OR4P4: variants seen among roughly 807,000 people sequenced by gnomAD.
The protein encoded by OR4P4 is olfactory receptor family 4 subfamily P member 4, also known as olfactory receptor 4P4.
Under a neutral mutation model 2.1 loss-of-function variants are expected in OR4P4, and 1 was observed. The ratio of observed to expected loss-of-function variants is 0.47; its 90% confidence interval spans 0.17 to 2.21. The LOEUF (loss-of-function observed/expected upper bound fraction) is 2.21, where lower values mean the gene tolerates loss of function less well. Among genes scored for constraint, OR4P4 ranks in the 30% most tolerant of loss-of-function variants. OR4P4 has a pLI of 0.27. For missense variants in OR4P4, 375 were observed against 376.5 expected (o/e 1.00, Z 0.03); for synonymous variants, 129 against 133.2 (o/e 0.97, Z 0.22).
intron 1 of OR4P4, among the ~76,000 whole-genome samples, chr11:55,636,677 G>A (rs1468193567): frequency 7.3e-6 from 1 of 137,412 alleles, no homozygotes; most frequent in Non-Finnish European, 1.6e-5. Context: ...ATTTCCTAAA[G>A]CTCTAGAATC....
At chr11:55,637,149 A>AATT (rs1858398485) in intron 1 of OR4P4, among the ~76,000 whole-genome samples, 1 of 138,214 alleles carries the variant, frequency 7.2e-6, no homozygotes, top group Non-Finnish European at 1.6e-5. Context: ...GTTGTTAGTA[A>AATT]ACTTACAGTA....
Position 55,635,479 on chromosome 11 carries a change from G to A in OR4P4, c.-31+263G>A, listed in dbSNP as rs538855746. ...CATCATTTATTTGATTTGGTGATAT[G>A]ACAGGTAATAGTTACTAACATGGTA... On this transcript the variant is annotated intron_variant, in intron 1 of 1. Transcript: ENST00000641760. 2.0e-4 allele frequency among the ~76,000 whole-genome samples: 28 copies of A among 136,906 alleles called. 2 individuals carry two copies. Among genetic ancestry groups the A allele is most frequent in the African/African-American group, 6.8e-4 (27 of 39,770 alleles). 89.8% of individuals were successfully genotyped at this position (136,906 alleles called of 152,430 possible).
At chr11:55,636,126 A>T (rs1858385527) in intron 1 of OR4P4, among the ~76,000 whole-genome samples, 1 of 137,740 alleles carries the variant, frequency 7.3e-6, no homozygotes, top group Non-Finnish European at 1.6e-5. Flanking sequence ...GAAAGGAAAC[A>T]TATGCGCCAA....
intron 1 of OR4P4, among the ~76,000 whole-genome samples, chr11:55,636,130 G>A (rs1248738008): frequency 7.3e-6 from 1 of 137,532 alleles, no homozygotes; most frequent in Non-Finnish European, 1.6e-5. Context: ...GGAAACATAT[G>A]CGCCAAGAAT....
exon 2 of OR4P4, chr11:55,640,068 A>C (rs909345661): frequency 2.2e-5 from 3 of 135,156 alleles, no homozygotes; most frequent in African/African-American, 7.7e-5. Context: ...CGGGAAGCGG[A>C]GGTTGCAGTG....
rs779167503 is a variant in OR4P4 at position 55,635,193 on chromosome 11, G to A, written c.-54G>A. Reference sequence around the variant, plus strand: ...GATTCAAGTTACATGCTCTGGTAACGTGGGTCTAAGAGGATGCTAATTGGT... The same window carrying A: ...GATTCAAGTTACATGCTCTGGTAACATGGGTCTAAGAGGATGCTAATTGGT... On this transcript the variant is annotated 5_prime_UTR_variant, in exon 1 of 2. In the 5' UTR this introduces an upstream ATG that the reference lacks. Transcript: ENST00000641760. The A allele has an allele frequency of 5.1e-5, 7 of 138,064 alleles. 1 individual carries two copies. Among genetic ancestry groups the A allele is most frequent in the Non-Finnish European group, 1.1e-4 (7 of 61,664 alleles). 8.6% of individuals were successfully genotyped at this position (138,064 alleles called of 1,614,324 possible). A position where few individuals can be genotyped will look rare whatever the true frequency, so the allele number is the denominator to read the frequency against.
At position 55,637,559 on chromosome 11, in the gene OR4P4, C is replaced by A. The variant is rs999264948; in HGVS notation, c.-30-769C>A. 1.5e-5 allele frequency among the ~76,000 whole-genome samples: 2 copies of A among 137,040 alleles called. 1 individual carries two copies. The highest frequency in any genetic ancestry group is 5.0e-5 in the African/African-American group (2 of 39,606). The allele number at this position is 137,040 out of a possible 152,430, so 89.9% of individuals were successfully genotyped here. ...CAATTTCTATTACAATGAAATTATT[C>A]ATTGTATTGGTAACAATGTTAACTT... On this transcript the variant is annotated intron_variant, in intron 1 of 1. Transcript: ENST00000641760.
chr11:55,638,706 G>A, exon 2 of OR4P4: 1 of 1,490,932 alleles, frequency 6.7e-7, no homozygotes, highest in Non-Finnish European at 9.1e-7. Context: ...CACAGGGATG[G>A]CCTATGACCG....
In OR4P4 at chr11:55,639,483, G is replaced by A. The variant is rs1036631623; in HGVS notation, c.*187G>A. 3.4e-5 allele frequency: 15 copies of A among 445,328 alleles called. 4 individuals are homozygous for A. In the Admixed American group the frequency reaches 4.1e-4, roughly 12 times the overall value. The allele number at this position is 445,328 out of a possible 1,614,324, so 27.6% of individuals were successfully genotyped here. A position where few individuals can be genotyped will look rare whatever the true frequency, so the allele number is the denominator to read the frequency against. On this transcript the variant is annotated 3_prime_UTR_variant, in exon 2 of 2. Coordinates refer to ENST00000641760, the Ensembl canonical transcript of OR4P4. ...ATTATTCTTATCCATACTCTCCTCC[G>A]CCTTTCTTAATCATTACGATTGTGC...
Position 55,638,319 on chromosome 11 carries a change from T to A in OR4P4, c.-30-9T>A, listed in dbSNP as rs1858412002. On this transcript the variant is annotated splice_polypyrimidine_tract_variant and intron_variant, in intron 1 of 1. Coordinates refer to ENST00000641760, the Ensembl canonical transcript of OR4P4. ...AAGACTTGTAAGCTTATAAATTATGTCATTTCAGGTGACTTATATGTTCTA... is the reference window on the plus strand; with the variant it reads ...AAGACTTGTAAGCTTATAAATTATGACATTTCAGGTGACTTATATGTTCTA... 1.4e-5 allele frequency: 13 copies of A among 897,174 alleles called. No homozygotes were observed. Among genetic ancestry groups the A allele is most frequent in the Non-Finnish European group, 2.0e-5 (12 of 611,478 alleles). 55.6% of individuals were successfully genotyped at this position (897,174 alleles called of 1,614,324 possible). A position where few individuals can be genotyped will look rare whatever the true frequency, so the allele number is the denominator to read the frequency against.
Position 55,636,745 on chromosome 11 carries a change from A to G in OR4P4, c.-31+1529A>G, listed in dbSNP as rs114132702. On this transcript the variant is annotated intron_variant, in intron 1 of 1. Transcript: ENST00000641760. ...ATATTGATATTAGCACAACGATATC[A>G]TCCCTTGTACACTATTTTATTCTTT... 2.0e-3 allele frequency among the ~76,000 whole-genome samples: 274 copies of G among 138,108 alleles called. 38 individuals are homozygous for G. The highest frequency in any genetic ancestry group is 6.5e-3 in the African/African-American group (260 of 39,956). The allele number at this position is 138,108 out of a possible 152,430, so 90.6% of individuals were successfully genotyped here.
At chr11:55,638,530 A>G in exon 2 of OR4P4, 1 of 1,486,052 alleles carries the variant, frequency 6.7e-7, no homozygotes, top group African/African-American at 1.4e-5. Context: ...CAACCCATGT[A>G]TTTCTTCCTC....
chr11:55,636,969 T>C (rs547237804), intron 1 of OR4P4, among the ~76,000 whole-genome samples: 2 of 137,760 alleles, frequency 1.5e-5, no homozygotes, highest in African/African-American at 5.0e-5. Context: ...TAAAGCATGA[T>C]TAGATTTTTA....
In OR4P4 at chr11:55,638,328, G is replaced by T; in HGVS notation, c.-30G>T. The T allele has an allele frequency of 2.1e-6, 2 of 946,522 alleles. 1 individual carries two copies. Among genetic ancestry groups the T allele is most frequent in the Non-Finnish European group, 3.0e-6 (2 of 657,888 alleles). 58.6% of individuals were successfully genotyped at this position (946,522 alleles called of 1,614,324 possible). A position where few individuals can be genotyped will look rare whatever the true frequency, so the allele number is the denominator to read the frequency against. The stretch of plus-strand genomic sequence containing the variant: ...AAGCTTATAAATTATGTCATTTCAG[G>T]TGACTTATATGTTCTATCTACACTG... On this transcript the variant is annotated splice_region_variant and 5_prime_UTR_variant, in exon 2 of 2. Coordinates refer to ENST00000641760, the Ensembl canonical transcript of OR4P4.
At position 55,638,887 on chromosome 11, in the gene OR4P4, G is replaced by A; in HGVS notation, c.530G>A (p.Cys177Tyr). The stretch of plus-strand genomic sequence containing the variant: ...CCAAATGAGATAGATCACTACTTCT[G>A]TGATGTGTATCCTTTGCTGAAATTG... The change falls in exon 2 of 2, where the codon TGT (cysteine) becomes TAT (tyrosine). Residue 177 changes from cysteine to tyrosine, a missense_variant. Transcript: ENST00000641760. 3 of 1,493,782 alleles carry A rather than the reference G, an allele frequency of 2.0e-6. 1 individual carries two copies. Among genetic ancestry groups the A allele is most frequent in the East Asian group, 5.2e-5 (2 of 38,820 alleles). 92.5% of individuals were successfully genotyped at this position (1,493,782 alleles called of 1,614,324 possible). A position where few individuals can be genotyped will look rare whatever the true frequency, so the allele number is the denominator to read the frequency against.
At chr11:55,638,473 G>C in exon 2 of OR4P4, 1 of 1,473,418 alleles carries the variant, frequency 6.8e-7, no homozygotes, top group Non-Finnish European at 9.3e-7. Flanking sequence ...ATTTGGATGG[G>C]AAACTTACTC....
At chr11:55,638,824 G>T in exon 2 of OR4P4, 1 of 1,491,824 alleles carries the variant, frequency 6.7e-7, no homozygotes, top group Non-Finnish European at 9.1e-7. Flanking sequence ...CATTCTGCCA[G>T]TCAGTTTCTT....
exon 2 of OR4P4, chr11:55,640,012 T>C (rs1378189048): frequency 7.4e-6 from 1 of 134,594 alleles, no homozygotes; most frequent in Non-Finnish European, 1.6e-5. Flanking sequence ...CGAGCACCTG[T>C]AATCCCAGCT....
exon 2 of OR4P4, chr11:55,638,726 C>T (rs1274808152): frequency 1.3e-6 from 2 of 1,492,540 alleles, no homozygotes; most frequent in African/African-American, 2.8e-5. Flanking sequence ...GCTATGTGGC[C>T]ATTTGCAAGC....
Sources: allele counts gnomAD v4.1 joint callset (sites outside exome capture counted in the v4.1 genomes callset), GRCh38; gene constraint gnomAD v4.1.1; transcripts MANE v1.5; gene names NCBI Gene and HGNC (gene_info 2026-07-23, HGNC 2026-07-21).